The following RBFOX1 variants were observed in gnomAD, a reference collection of about 807,000 sequenced individuals.
RBFOX1 encodes RNA binding protein fox-1 homolog 1.
RBFOX1 carries 8 observed loss-of-function variants against 57.7 expected under a neutral mutation model. The observed-to-expected ratio is 0.14, with a 90% CI of 0.08 to 0.25. RBFOX1 has a LOEUF of 0.25. RBFOX1 is among the 10% of genes least tolerant of loss of function. The probability of loss-of-function intolerance (pLI) is 1.00; values close to 1 mark genes in which losing one functional copy is unlikely to be tolerated. For synonymous variants in RBFOX1, 326 were observed against 222.4 expected (o/e 1.47, Z -4.15); for missense variants, 611 against 548.5 (o/e 1.11, Z -1.14).
At chr16:6,756,492 G>A (rs989176087) in intron 3 of RBFOX1, among the ~76,000 whole-genome samples, 18 of 152,188 alleles carry the variant, frequency 1.2e-4, no homozygotes, top group African/African-American at 4.3e-4. Flanking sequence ...AACAGCTTTG[G>A]CACAACAAAG....
chr16:7,072,858 G>C (rs543229704), intron 4 of RBFOX1, among the ~76,000 whole-genome samples: 1 of 152,320 alleles, frequency 6.6e-6, no homozygotes, highest in East Asian at 1.9e-4. Context: ...TAAGTGCTCT[G>C]AGATGAAGAA....
chr16:6,955,920 G>T (rs1487577700), intron 3 of RBFOX1, among the ~76,000 whole-genome samples: 1 of 152,052 alleles, frequency 6.6e-6, no homozygotes, highest in Non-Finnish European at 1.5e-5. Flanking sequence ...TGGTCAGGCT[G>T]GTCTCAAACT....
intron 4 of RBFOX1, among the ~76,000 whole-genome samples, chr16:7,367,065 T>G (rs1049094609): frequency 5.3e-5 from 8 of 152,096 alleles, no homozygotes; most frequent in Admixed American, 2.0e-4. Context: ...CAGTTTTTTT[T>G]TTCTTTTTGT....
chr16:7,708,987 G>A (rs1346015529), intron 14 of RBFOX1, 69 bp from the exon 15 acceptor site: 5 of 1,457,692 alleles, frequency 3.4e-6, no homozygotes, highest in Non-Finnish European at 4.8e-6. Context: ...TGGTATTTTG[G>A]ATTTTATGAT....
chr16:7,031,795 G>A (rs2042870244), intron 3 of RBFOX1, among the ~76,000 whole-genome samples: 1 of 152,150 alleles, frequency 6.6e-6, no homozygotes. Context: ...CAGATGGCTT[G>A]TGTCTCATGG....
chr16:6,383,805 A>G (rs1444108793), intron 2 of RBFOX1, among the ~76,000 whole-genome samples: 1 of 152,052 alleles, frequency 6.6e-6, no homozygotes, highest in Non-Finnish European at 1.5e-5. Context: ...AGCACAACAA[A>G]CAAGAAGAGT....
At chr16:6,904,120 G>A (rs1445780024) in intron 3 of RBFOX1, among the ~76,000 whole-genome samples, 1 of 152,282 alleles carries the variant, frequency 6.6e-6, no homozygotes, top group African/African-American at 2.4e-5. Flanking sequence ...ATACCTAATA[G>A]TGCAGTTCGT....
chr16:6,991,118 G>A (rs1401267824), intron 3 of RBFOX1, among the ~76,000 whole-genome samples: 10 of 92,398 alleles, frequency 1.1e-4, no homozygotes, highest in Non-Finnish European at 1.8e-4. Context: ...CCTAGGCAAC[G>A]TAATAAAATT....
chr16:7,661,387 G>T (rs1052890469), intron 12 of RBFOX1, among the ~76,000 whole-genome samples: 3 of 152,064 alleles, frequency 2.0e-5, no homozygotes, highest in Admixed American at 6.5e-5. Flanking sequence ...AAGCCAGAGC[G>T]TGGGTCTTCC....
intron 4 of RBFOX1, among the ~76,000 whole-genome samples, chr16:6,009,577 C>T (rs191586183): frequency 3.3e-4 from 50 of 152,152 alleles, no homozygotes; most frequent in Admixed American, 7.2e-4. Flanking sequence ...CAGAGACAGC[C>T]CTGCTAACAA....
intron 2 of RBFOX1, among the ~76,000 whole-genome samples, chr16:6,603,599 C>G (rs1308669496): frequency 4.6e-5 from 7 of 152,158 alleles, no homozygotes; most frequent in African/African-American, 1.7e-4. Context: ...TGGGCATCAG[C>G]ACTTGAGAAA....
intron 2 of RBFOX1, among the ~76,000 whole-genome samples, chr16:6,574,993 G>T (rs1434014011): frequency 6.6e-6 from 1 of 150,468 alleles, no homozygotes; most frequent in Admixed American, 6.6e-5. Context: ...AGCCGAGATG[G>T]CACCACTGCA....
chr16:6,800,461 CA>C (rs144837999), intron 3 of RBFOX1, among the ~76,000 whole-genome samples: 78 of 152,134 alleles, frequency 5.1e-4, no homozygotes, highest in Non-Finnish European at 1.0e-3. Flanking sequence ...AATTTTGGTT[CA>C]ATAAGTCTCG....
rs1567303129 is a variant in RBFOX1, at chr16:6,450,800, T to TATATAC, written c.-64+133743_-64+133744insATATAC. 2.0e-4 allele frequency among the ~76,000 whole-genome samples: 3 copies of TATATAC among 14,792 alleles called. 1 individual carries two copies. Among genetic ancestry groups the TATATAC allele is most frequent in the Non-Finnish European group, 2.8e-4 (3 of 10,594 alleles). The allele number at this position is 14,792 out of a possible 152,430, so 9.7% of individuals were successfully genotyped here. On this transcript the variant is annotated intron_variant, in intron 2 of 15. Coordinates refer to ENST00000550418, the MANE Select transcript of RBFOX1 (RefSeq NM_018723.4). ...ATATATATATATATACATATATATATGTATATATATATATATACATATATA... is the reference window on the plus strand; with the variant it reads ...ATATATATATATATACATATATATATATATACGTATATATATATATATACATATATA...
intron 4 of RBFOX1, among the ~76,000 whole-genome samples, chr16:7,380,499 G>A (rs2097766986): frequency 6.6e-6 from 1 of 152,124 alleles, no homozygotes; most frequent in African/African-American, 2.4e-5. Context: ...CTTAACATCT[G>A]TCTGGTAATC....
At chr16:5,634,883 A>G (rs1406564055) in intron 3 of RBFOX1, among the ~76,000 whole-genome samples, 1 of 152,178 alleles carries the variant, frequency 6.6e-6, no homozygotes, top group Non-Finnish European at 1.5e-5. Context: ...CTTTTTACTC[A>G]CAAGTGTTTA....
chr16:5,904,330 C>T (rs187445101), intron 4 of RBFOX1, among the ~76,000 whole-genome samples: 7 of 152,234 alleles, frequency 4.6e-5, no homozygotes, highest in African/African-American at 9.6e-5. Context: ...AGCTTCCCCT[C>T]GACTTTGATG....
intron 4 of RBFOX1, among the ~76,000 whole-genome samples, chr16:5,993,803 G>A (rs2060446912): frequency 6.6e-6 from 1 of 152,124 alleles, no homozygotes. Context: ...CGCTCATATG[G>A]CCGAATGGTT....
intron 3 of RBFOX1, among the ~76,000 whole-genome samples, chr16:6,838,189 C>G (rs541648178): frequency 3.9e-5 from 6 of 152,096 alleles, no homozygotes; most frequent in African/African-American, 1.2e-4. Context: ...GCCCCCTAGC[C>G]CCCGACAGGC....
Sources: allele counts gnomAD v4.1 joint callset (sites outside exome capture counted in the v4.1 genomes callset), GRCh38; gene constraint gnomAD v4.1.1; transcripts MANE v1.5; gene names NCBI Gene and HGNC (gene_info 2026-07-23, HGNC 2026-07-21).